The following ILRUN variants were observed in gnomAD, a reference collection of about 807,000 sequenced individuals.
ILRUN encodes inflammation and lipid regulator with UBA-like and NBR1-like domains, also known as protein ILRUN.
Under a neutral mutation model 33.8 loss-of-function variants are expected in ILRUN, and 3 were observed. The ratio of observed to expected loss-of-function variants is 0.09; its 90% CI spans 0.04 to 0.23. The LOEUF (loss-of-function observed/expected upper bound fraction) is 0.23. ILRUN is among the 10% of genes least tolerant of loss of function. ILRUN has a pLI of 1.00. For missense variants in ILRUN, 210 were observed against 375.1 expected (o/e 0.56, Z 3.64); for synonymous variants, 124 against 138.9 (o/e 0.89, Z 0.75).
intron 1 of ILRUN, among the ~76,000 whole-genome samples, chr6:34,695,197 T>C (rs1487100456): frequency 4.6e-5 from 7 of 152,174 alleles, no homozygotes; most frequent in Non-Finnish European, 8.8e-5. Context: ...CAGCGTTGCT[T>C]GAGGCATTCA....
At position 34,588,172 on chromosome 6, in the gene ILRUN, C is replaced by T; in HGVS notation, c.*2393G>A. On this transcript the variant is annotated 3_prime_UTR_variant, in exon 5 of 5. Coordinates refer to ENST00000374023, the MANE Select transcript of ILRUN (RefSeq NM_024294.4). Reference sequence around the variant, plus strand: ...TCCATGACTTGCACTTACTCTGGCCCTCTGCAAGGAGCTCATCTCGCCTCC... The same window carrying T: ...TCCATGACTTGCACTTACTCTGGCCTTCTGCAAGGAGCTCATCTCGCCTCC... 1 of 398,838 alleles carries T rather than the reference C, an allele frequency of 2.5e-6. No individual in the cohort carries two copies. The allele number at this position is 398,838 out of a possible 1,614,324, so 24.7% of individuals were successfully genotyped here.
At chr6:34,689,419 A>G (rs898601925) in intron 1 of ILRUN, among the ~76,000 whole-genome samples, 6 of 152,180 alleles carry the variant, frequency 3.9e-5, no homozygotes, top group Non-Finnish European at 8.8e-5. Context: ...TCTTACTTTA[A>G]AAATCAACAA....
At position 34,592,020 on chromosome 6, in the gene ILRUN, CA is replaced by C. The variant is rs1031303975; in HGVS notation, c.862-1421del. Reference sequence around the variant, plus strand: ...AAGACACACCAAGATGTGCCAACATCAAAAGCAGCTACACAAACCACGAACA... The same window carrying C: ...AAGACACACCAAGATGTGCCAACATCAAAGCAGCTACACAAACCACGAACA... On this transcript the variant is annotated intron_variant, in intron 4 of 4. Transcript: ENST00000374023. This position sits in a 1 kb window ranked among gnomAD's most constrained non-coding sequence, Gnocchi z 4.0. 4.6e-5 allele frequency among the ~76,000 whole-genome samples: 7 copies of C among 152,192 alleles called. No homozygotes were observed. The highest frequency in any genetic ancestry group is 1.4e-4 in the African/African-American group (6 of 41,442).
At chr6:34,616,762 A>G in intron 3 of ILRUN, 1 of 702,396 alleles carries the variant, frequency 1.4e-6, no homozygotes, top group South Asian at 1.6e-5. Flanking sequence ...ACTTCTATGT[A>G]CCTGCAGAAC....
In ILRUN at chr6:34,596,181, C is replaced by T. The variant is rs205260; in HGVS notation, c.862-5581G>A. Among the ~76,000 whole-genome samples the T allele has an allele frequency of 4.4e-3, 665 of 152,208 alleles. 5 individuals carry two copies. Among genetic ancestry groups the T allele is most frequent in the African/African-American group, 0.015 (619 of 41,526 alleles). The stretch of plus-strand genomic sequence containing the variant: ...ACTCTCTCAGTAATGTGCAAACCAG[C>T]GCCCTTTCCTTAATGCCTTCTGACT... On this transcript the variant is annotated intron_variant, in intron 4 of 4. Transcript: ENST00000374023.
chr6:34,668,491 CAGACTG>C (rs1763048196), intron 1 of ILRUN, among the ~76,000 whole-genome samples: 1 of 151,866 alleles, frequency 6.6e-6, no homozygotes, highest in Non-Finnish European at 1.5e-5. Flanking sequence ...ACATGCATAA[CAGACTG>C]AGATGATAAC....
chr6:34,631,829 C>G (rs1415414715), intron 3 of ILRUN, among the ~76,000 whole-genome samples: 1 of 151,940 alleles, frequency 6.6e-6, no homozygotes, highest in Non-Finnish European at 1.5e-5. Context: ...ATAATGGTTG[C>G]ACAACACCAT....
At chr6:34,591,335 T>A (rs188254526) in intron 4 of ILRUN, among the ~76,000 whole-genome samples, 4 of 152,126 alleles carry the variant, frequency 2.6e-5, no homozygotes, top group Admixed American at 2.6e-4. Context: ...TATAAAAATT[T>A]TTTTAAAAAA....
intron 4 of ILRUN, 77 bp from the exon 5 acceptor site, chr6:34,590,677 T>C: frequency 9.4e-7 from 1 of 1,061,828 alleles, no homozygotes; most frequent in African/African-American, 1.6e-5. Flanking sequence ...GCAAGATCTA[T>C]GGTTCCCAGT....
At chr6:34,595,917 G>A (rs900850730) in intron 4 of ILRUN, 1 of 985,328 alleles carries the variant, frequency 1.0e-6, no homozygotes, top group Non-Finnish European at 1.2e-6. Context: ...TGCTTCTTCC[G>A]CCTAGTGCTC....
At chr6:34,640,062 A>C (rs184472824) in intron 3 of ILRUN, among the ~76,000 whole-genome samples, 35 of 152,292 alleles carry the variant, frequency 2.3e-4, no homozygotes, top group African/African-American at 8.4e-4. Context: ...GAGGAAAAAA[A>C]AGATAAAATG....
At position 34,687,810 on chromosome 6, in the gene ILRUN, C is replaced by T. The variant is rs149785521; in HGVS notation, c.158+8636G>A. 7.5e-3 allele frequency among the ~76,000 whole-genome samples: 1,136 copies of T among 150,724 alleles called. 22 individuals carry two copies. Among genetic ancestry groups the T allele is most frequent in the African/African-American group, 0.026 (1,081 of 40,930 alleles). ...TGTTGGCAAAGATGTGGAGAAATTG[C>T]GACCAACTCATACACCGCGGTTGGG... On this transcript the variant is annotated intron_variant, in intron 1 of 4. Coordinates refer to ENST00000374023, the MANE Select transcript of ILRUN (RefSeq NM_024294.4).
At chr6:34,629,754 T>G (rs546449361) in intron 3 of ILRUN, among the ~76,000 whole-genome samples, 2 of 152,342 alleles carry the variant, frequency 1.3e-5, no homozygotes, top group African/African-American at 4.8e-5. Flanking sequence ...ATTGTTTCTG[T>G]TCCTTTCTCT....
At chr6:34,601,059 G>A (rs1761496947) in intron 4 of ILRUN, among the ~76,000 whole-genome samples, 1 of 152,142 alleles carries the variant, frequency 6.6e-6, no homozygotes, top group Non-Finnish European at 1.5e-5. Context: ...ACTACATGAA[G>A]TAATGCATGT....
rs1397951084 is a variant in ILRUN at position 34,646,175 on chromosome 6, GC to G, written c.511+425del. Among the ~76,000 whole-genome samples the G allele has an allele frequency of 1.3e-5, 2 of 152,182 alleles. No homozygotes were observed. The highest frequency in any genetic ancestry group is 4.8e-5 in the African/African-American group (2 of 41,450). On this transcript the variant is annotated intron_variant, in intron 3 of 4. Coordinates refer to ENST00000374023, the MANE Select transcript of ILRUN (RefSeq NM_024294.4). The surrounding 1 kb of genome is among the most constrained non-coding windows in gnomAD (Gnocchi z 4.9). ...TATAGATCACTGCTCAAAACGTTTG[GC>G]AATAAAGAGAAGGGAGTGAGATATG...
At chr6:34,613,057 A>T (rs573304292) in intron 3 of ILRUN, among the ~76,000 whole-genome samples, 1 of 151,874 alleles carries the variant, frequency 6.6e-6, no homozygotes, top group East Asian at 1.9e-4. Flanking sequence ...AAAAAAAAAA[A>T]AAAATTTGTT....
At chr6:34,682,159 A>C (rs1581552897) in intron 1 of ILRUN, among the ~76,000 whole-genome samples, 1 of 146,288 alleles carries the variant, frequency 6.8e-6, no homozygotes, top group Non-Finnish European at 1.5e-5. Context: ...GGCATGAGCC[A>C]CCACGCCCAG....
intron 2 of ILRUN, among the ~76,000 whole-genome samples, chr6:34,653,453 T>C (rs186729015): frequency 1.3e-5 from 2 of 152,214 alleles, no homozygotes; most frequent in East Asian, 3.9e-4. Flanking sequence ...CTCCAACTCC[T>C]CATCTGAAGT....
At chr6:34,638,970 T>C (rs945916158) in intron 3 of ILRUN, among the ~76,000 whole-genome samples, 6 of 152,148 alleles carry the variant, frequency 3.9e-5, no homozygotes, top group Non-Finnish European at 7.3e-5. Flanking sequence ...ATGAAGAAGT[T>C]TGTATGAAAC....
Sources: gnomAD v4.1 joint callset for allele counts (sites outside exome capture counted in the v4.1 genomes callset) on GRCh38, gnomAD v4.1.1 for gene constraint, Gnocchi (gnomAD v3.1) non-coding constraint, MANE v1.5 for transcripts, NCBI Gene and HGNC (gene_info 2026-07-23, HGNC 2026-07-21) for gene names.